The following CELF4 variants were observed in gnomAD, a reference collection of about 807,000 sequenced individuals.
CELF4 encodes CUGBP Elav-like family member 4.
A neutral mutation model predicts 59.9 loss-of-function variants in CELF4; 18 were observed. The ratio of observed to expected loss-of-function variants is 0.30; its 90% CI spans 0.21 to 0.45. The LOEUF (loss-of-function observed/expected upper bound fraction) is 0.45. CELF4 is among the 20% of genes least tolerant of loss of function. The probability of loss-of-function intolerance (pLI) is 1.00; values close to 1 mark genes in which losing one functional copy is unlikely to be tolerated. For missense variants in CELF4, 456 were observed against 689.0 expected (o/e 0.66, Z 3.79); for synonymous variants, 261 against 267.1 (o/e 0.98, Z 0.22).
chr18:37,332,505 T>G (rs568981062), intron 2 of CELF4, among the ~76,000 whole-genome samples: 58 of 151,944 alleles, frequency 3.8e-4, no homozygotes, highest in Middle Eastern at 3.4e-3. Flanking sequence ...CTCTCCCCAC[T>G]CTCTCCCATC....
chr18:37,262,794 G>A (rs1446741763), intron 10 of CELF4, among the ~76,000 whole-genome samples: 2 of 152,168 alleles, frequency 1.3e-5, no homozygotes, highest in African/African-American at 2.4e-5. Flanking sequence ...TGGACTGTGG[G>A]GAAGGCAAGG....
intron 1 of CELF4, among the ~76,000 whole-genome samples, chr18:37,507,889 G>A (rs1011269620): frequency 2.0e-5 from 3 of 152,056 alleles, no homozygotes; most frequent in Admixed American, 6.5e-5. Context: ...GTTCTGCCAC[G>A]CTGGTGATCA....
intron 1 of CELF4, among the ~76,000 whole-genome samples, chr18:37,517,542 C>T (rs2099952117): frequency 6.6e-6 from 1 of 152,146 alleles, no homozygotes; most frequent in African/African-American, 2.4e-5. Flanking sequence ...CACTGAAAGT[C>T]ATATGTGTGG....
At chr18:37,553,141 T>C (rs1018697188) in intron 1 of CELF4, among the ~76,000 whole-genome samples, 4 of 152,314 alleles carry the variant, frequency 2.6e-5, no homozygotes, top group East Asian at 1.9e-4. Context: ...CTTATTGAAA[T>C]AGTCAAGATG....
intron 2 of CELF4, among the ~76,000 whole-genome samples, chr18:37,441,273 C>G (rs1456403183): frequency 7.0e-6 from 1 of 143,332 alleles, no homozygotes; most frequent in African/African-American, 2.6e-5. Flanking sequence ...CTCAACAATG[C>G]TGTGTGTGTG....
intron 2 of CELF4, among the ~76,000 whole-genome samples, chr18:37,390,683 AGT>A (rs1379636173): frequency 7.3e-5 from 11 of 151,590 alleles, no homozygotes; most frequent in African/African-American, 2.4e-4. Flanking sequence ...TGGCTGACTG[AGT>A]GAATGGGTGG....
chr18:37,533,259 G>A (rs1202586966), intron 1 of CELF4, among the ~76,000 whole-genome samples: 1 of 152,208 alleles, frequency 6.6e-6, no homozygotes, highest in Non-Finnish European at 1.5e-5. Context: ...TCATTTCCCT[G>A]AGTGTGAGTA....
chr18:37,403,362 A>C (rs1000835706), intron 2 of CELF4, among the ~76,000 whole-genome samples: 3 of 152,100 alleles, frequency 2.0e-5, no homozygotes, highest in African/African-American at 7.2e-5. Flanking sequence ...CATTTAGCAA[A>C]TGAGGGGAAT....
rs529956512 is a variant in CELF4 at position 37,266,325 on chromosome 18, C to T, written c.1165+208G>A. 5 of 615,840 alleles carry T rather than the reference C, an allele frequency of 8.1e-6. No homozygotes were observed. The South Asian group carries it at 9.6e-5, about 12-fold the overall frequency. 38.1% of individuals were successfully genotyped at this position (615,840 alleles called of 1,614,324 possible). Reference sequence around the variant, plus strand: ...CTGGCCTGCCCACTTGCCTGAAGTTCTGCCCAACCCCACTGCAGGGGCACT... The same window carrying T: ...CTGGCCTGCCCACTTGCCTGAAGTTTTGCCCAACCCCACTGCAGGGGCACT... On this transcript the variant is annotated intron_variant, in intron 9 of 12. Transcript: ENST00000420428.
intron 1 of CELF4, among the ~76,000 whole-genome samples, chr18:37,501,156 C>G (rs1347847076): frequency 6.6e-6 from 1 of 152,196 alleles, no homozygotes; most frequent in African/African-American, 2.4e-5. Context: ...CAAAGGCCCC[C>G]ACAGCATGGC....
chr18:37,539,752 G>A (rs186504151), intron 1 of CELF4, among the ~76,000 whole-genome samples: 1 of 152,158 alleles, frequency 6.6e-6, no homozygotes, highest in Admixed American at 6.5e-5. Flanking sequence ...TTGAACCCTG[G>A]GCATGTGGCT....
chr18:37,258,668 G>A (rs545880228), intron 11 of CELF4, among the ~76,000 whole-genome samples: 3 of 152,084 alleles, frequency 2.0e-5, no homozygotes, highest in African/African-American at 2.4e-5. Context: ...GAGAGGAGGC[G>A]AAGGGGTGGG....
intron 2 of CELF4, among the ~76,000 whole-genome samples, chr18:37,469,535 G>A (rs1002782738): frequency 6.6e-6 from 1 of 152,120 alleles, no homozygotes; most frequent in Non-Finnish European, 1.5e-5. Flanking sequence ...ACCTGCAGCC[G>A]GCCCAGGCAC....
At chr18:37,331,564 G>C (rs1408588714) in intron 2 of CELF4, among the ~76,000 whole-genome samples, 1 of 152,164 alleles carries the variant, frequency 6.6e-6, no homozygotes, top group Non-Finnish European at 1.5e-5. Flanking sequence ...GGTTGGTGCT[G>C]TGTGCCTGGC....
chr18:37,427,573 C>T (rs750865077), intron 2 of CELF4, among the ~76,000 whole-genome samples: 7 of 152,170 alleles, frequency 4.6e-5, no homozygotes, highest in Non-Finnish European at 7.3e-5. Flanking sequence ...GCAGGCTCCC[C>T]AGCCCTGACC....
intron 1 of CELF4, among the ~76,000 whole-genome samples, chr18:37,486,420 G>A (rs552833413): frequency 2.0e-5 from 3 of 152,280 alleles, no homozygotes; most frequent in Admixed American, 6.5e-5. Context: ...CAGGGAATCC[G>A]GATTTGACAG....
At position 37,522,519 on chromosome 18, in the gene CELF4, GCA is replaced by G. The variant is rs144071944; in HGVS notation, c.287-36914_287-36913del. On this transcript the variant is annotated intron_variant, in intron 1 of 12. Transcript: ENST00000420428. ...TGGATAGCTCTGTGTGTGTGAGCGCGCACACACACACACACACGTGTGCATGT... is the reference window on the plus strand; with the variant it reads ...TGGATAGCTCTGTGTGTGTGAGCGCGCACACACACACACACGTGTGCATGT... Among the ~76,000 whole-genome samples, 141 of 150,530 alleles carry G rather than the reference GCA, an allele frequency of 9.4e-4. 2 individuals are homozygous for G. Among genetic ancestry groups the G allele is most frequent in the African/African-American group, 2.2e-3 (90 of 41,182 alleles).
At chr18:37,565,319 G>T in intron 1 of CELF4, 37 bp downstream of exon 1, 1 of 1,467,354 alleles carries the variant, frequency 6.8e-7, no homozygotes, top group Non-Finnish European at 9.1e-7. Context: ...GCCCGCTCCT[G>T]CTCCCCGGCA....
Position 37,565,507 on chromosome 18 carries a change from G to T in CELF4, c.135C>A (p.Thr45=). ...GLSHSPGNPS[T]IPMKDHDAIK... is the part of the protein sequence containing the mutation. ...TGGCATCGTGGTCCTTCATGGGAAT[G>T]GTCGACGGGTTCCCCGGGCTGTGGC... The change falls in exon 1 of 13, where the codon ACC becomes ACA. Residue 45 remains threonine, a synonymous_variant. Transcript: ENST00000420428. The T allele has an allele frequency of 6.2e-7, 1 of 1,614,190 alleles. No individual in the cohort carries two copies. Among genetic ancestry groups the T allele is most frequent in the African/African-American group, 1.3e-5 (1 of 75,054 alleles).
Sources: gnomAD v4.1 joint callset for allele counts (sites outside exome capture counted in the v4.1 genomes callset) on GRCh38, gnomAD v4.1.1 for gene constraint, MANE v1.5 for transcripts, NCBI Gene and HGNC (gene_info 2026-07-23, HGNC 2026-07-21) for gene names.